Variants in LRRC37B observed in about 807,000 individuals in gnomAD.
The protein encoded by LRRC37B is leucine-rich repeat-containing protein 37B.
LRRC37B carries 28 observed loss-of-function variants against 98.3 expected under a neutral mutation model. The ratio of observed to expected loss-of-function variants is 0.28; its 90% CI spans 0.21 to 0.39. The LOEUF (loss-of-function observed/expected upper bound fraction) is 0.39. Among genes scored for constraint, LRRC37B ranks in the 10% least tolerant of loss-of-function variants. LRRC37B has a pLI of 1.00. For missense variants in LRRC37B, 938 were observed against 1,182.7 expected, an observed-to-expected ratio of 0.79 and a Z score of 3.03; for synonymous variants, 364 against 442.7, an observed-to-expected ratio of 0.82 and a Z score of 2.23.
At chr17:32,031,228 C>T (rs556571) in intron 4 of LRRC37B, 150 bp from the exon 8 acceptor site, 37 of 1,301,108 alleles carry the variant, frequency 2.8e-5, no homozygotes, top group African/African-American at 2.2e-4. Context: ...AAAGTATAAA[C>T]CATAAGCCAG....
rs1481022266 is a variant in LRRC37B at position 32,034,522 on chromosome 17, A to AC, written c.2058-388_2058-387insC. On this transcript the variant is annotated intron_variant, in intron 5 of 11. Transcript: ENST00000327564. The stretch of plus-strand genomic sequence containing the variant: ...CCATCTCCAAAAAAAAAAAAAAAAA[A>AC]AACAACTTGAATTATAGATGAACAA... Among the ~76,000 whole-genome samples, 10 of 151,872 alleles carry AC rather than the reference A, an allele frequency of 6.6e-5. No individual in the cohort carries two copies. In the East Asian group the frequency reaches 1.9e-3, roughly 29 times the overall value.
At chr17:32,032,640 C>A (rs1389824740) in intron 5 of LRRC37B, among the ~76,000 whole-genome samples, 2 of 152,092 alleles carry the variant, frequency 1.3e-5, no homozygotes, top group East Asian at 1.9e-4. Context: ...GGGAGGTGTT[C>A]AGGATGTGTC....
intron 2 of LRRC37B, among the ~76,000 whole-genome samples, chr17:32,027,497 T>TTG (rs751149845): frequency 8.6e-6 from 1 of 116,078 alleles, no homozygotes; most frequent in South Asian, 2.8e-4. Context: ...GTGGGTGTGC[T>TTG]TGTGTGTGTG....
exon 10 of LRRC37B, chr17:32,049,240 A>C: frequency 6.2e-7 from 1 of 1,613,390 alleles, no homozygotes; most frequent in South Asian, 1.1e-5. Flanking sequence ...AGCTGTGCCA[A>C]GCTCATGTTG....
At chr17:32,028,980 C>A (rs557049503) in intron 3 of LRRC37B, 3 of 152,082 alleles carry the variant, frequency 2.0e-5, no homozygotes, top group Admixed American at 1.3e-4. Context: ...CCCAGCTATT[C>A]ATTTATTTAT....
At chr17:32,027,393 ATGTGTGTGTGTGCTTGCAAG>A (rs1567615044) in intron 2 of LRRC37B, among the ~76,000 whole-genome samples, 1 of 113,016 alleles carries the variant, frequency 8.8e-6, no homozygotes, top group African/African-American at 3.4e-5. Context: ...GTGTGCTTGC[ATGTGTGTGTGTGCTTGCAAG>A]TGTGTGTGCG....
chr17:32,049,087 T>C lies in LRRC37B; in HGVS notation c.2465-15T>C, dbSNP rs1227719252. ...GAGCCCAAAAGCTTCAATTACCCAT[T>C]GCTCTCGTCCCCAGGTGATCAGCTT... is the stretch of plus-strand genomic sequence containing the variant. On this transcript the variant is annotated splice_polypyrimidine_tract_variant and intron_variant, in intron 9 of 11. Transcript: ENST00000327564. 2.5e-6 allele frequency: 4 copies of C among 1,613,686 alleles called. No individual in the cohort carries two copies. The highest frequency in any genetic ancestry group is 1.7e-4 in the Middle Eastern group (1 of 6,058).
chr17:32,025,029 C>CG (rs1216743924), intron 2 of LRRC37B, among the ~76,000 whole-genome samples: 2 of 35,246 alleles, frequency 5.7e-5, no homozygotes, highest in African/African-American at 1.8e-4. Context: ...TTTTTTTCCT[C>CG]GTTTTTTTTT....
chr17:32,041,139 C>T (rs1178432741), intron 7 of LRRC37B: 1 of 768,950 alleles, frequency 1.3e-6, no homozygotes, highest in Non-Finnish European at 2.4e-6. Context: ...GGCAGAGAAG[C>T]TCAAGCGCAG....
upstream of LRRC37B, chr17:32,020,849 C>A (rs1308610355): frequency 3.9e-6 from 4 of 1,024,876 alleles, no homozygotes; most frequent in Non-Finnish European, 5.4e-6. Context: ...CCACCCCACC[C>A]CACCCCACCA....
At chr17:32,045,878 T>G in intron 8 of LRRC37B, 60 bp downstream of exon 11, 1 of 1,515,384 alleles carries the variant, frequency 6.6e-7, no homozygotes, top group Non-Finnish European at 8.9e-7. Flanking sequence ...GTTTTTAAAT[T>G]TTTATTTTTA....
upstream of LRRC37B, chr17:32,007,753 G>A (rs1390836916): frequency 4.2e-6 from 5 of 1,193,478 alleles, no homozygotes; most frequent in Non-Finnish European, 5.2e-6. This position sits in a 1 kb window ranked among gnomAD's most constrained non-coding sequence, Gnocchi z 4.1. Context: ...GGGCAGGTGG[G>A]CAGCCGCCAG....
rs1598209140 is a variant in LRRC37B, at chr17:32,035,892, CCT to C, written c.2204+254_2204+255del. 2.8e-5 allele frequency: 10 copies of C among 351,478 alleles called. No individual in the cohort carries two copies. The East Asian group carries it at 5.8e-4, about 20-fold the overall frequency. 21.8% of individuals were successfully genotyped at this position (351,478 alleles called of 1,614,324 possible). A position where few individuals can be genotyped will look rare whatever the true frequency, so the allele number is the denominator to read the frequency against. On this transcript the variant is annotated intron_variant, in intron 7 of 11. Transcript: ENST00000327564. ...CAATCCCTTCCTCCCACCATCAGCC[CCT>C]GTTAGCTACTAATCTGATTTCTGTT...
At chr17:32,020,688 A>G (rs1315949589), upstream of LRRC37B, 1 of 367,338 alleles carries the variant, frequency 2.7e-6, no homozygotes, top group Middle Eastern at 5.5e-4. Flanking sequence ...ACTGGCGCCC[A>G]TTTTGCAGGT....
chr17:32,031,657 T>C (rs1211102708), intron 5 of LRRC37B, among the ~76,000 whole-genome samples, 199 bp downstream of exon 8: 1 of 151,576 alleles, frequency 6.6e-6, no homozygotes, highest in East Asian at 1.9e-4. Context: ...GCTCTGCTTG[T>C]CCTAGTTCTG....
At chr17:32,022,576 A>G (rs752324401) in exon 1 of LRRC37B, 2 of 1,614,040 alleles carry the variant, frequency 1.2e-6, no homozygotes, top group Non-Finnish European at 1.7e-6. Context: ...CATCCAGACC[A>G]GGTTCAGACT....
At chr17:32,029,152 C>T (rs1911043588) in intron 3 of LRRC37B, among the ~76,000 whole-genome samples, 1 of 151,984 alleles carries the variant, frequency 6.6e-6, no homozygotes, top group Non-Finnish European at 1.5e-5. Flanking sequence ...CAGGCACACG[C>T]CGCCATGCCC....
chr17:32,011,821 T>C (rs1401961956), intron 1 of LRRC37B, among the ~76,000 whole-genome samples: 2 of 152,334 alleles, frequency 1.3e-5, no homozygotes, highest in African/African-American at 4.8e-5. Context: ...TAAAAACATA[T>C]CTTAGAATTT....
chr17:32,045,954 A>G, intron 8 of LRRC37B, 136 bp downstream of exon 11: 1 of 970,158 alleles, frequency 1.0e-6, no homozygotes, highest in Non-Finnish European at 1.5e-6. Flanking sequence ...AACTCCCTCA[A>G]CTTCTGAATG....
Sources: gnomAD v4.1 joint callset for allele counts (sites outside exome capture counted in the v4.1 genomes callset) on GRCh38, gnomAD v4.1.1 for gene constraint, Gnocchi (gnomAD v3.1) non-coding constraint, MANE v1.5 for transcripts, NCBI Gene and HGNC (gene_info 2026-07-23, HGNC 2026-07-21) for gene names.